CADM2: variants seen among roughly 807,000 people sequenced by gnomAD.
The protein encoded by CADM2 is cell adhesion molecule 2.
In CADM2, 12 loss-of-function variants were observed where a neutral mutation model predicts 49.8. The observed-to-expected ratio is 0.24, with a 90% CI of 0.15 to 0.39. The LOEUF is 0.39. Among genes scored for constraint, CADM2 ranks in the 10% least tolerant of loss-of-function variants. CADM2 has a pLI of 1.00. For missense variants in CADM2, 378 were observed against 492.3 expected (o/e 0.77, Z 2.20); for synonymous variants, 214 against 175.4 (o/e 1.22, Z -1.74).
chr3:85,903,890 T>C (rs1184057212), intron 5 of CADM2, among the ~76,000 whole-genome samples: 1 of 152,196 alleles, frequency 6.6e-6, no homozygotes, highest in Admixed American at 6.5e-5. Flanking sequence ...TAGAATCCTT[T>C]GCTGGGCTTT....
At chr3:85,871,709 A>G (rs1044453518) in intron 3 of CADM2, among the ~76,000 whole-genome samples, 3 of 151,842 alleles carry the variant, frequency 2.0e-5, no homozygotes, top group African/African-American at 4.8e-5. Context: ...TATCGTTGTC[A>G]TCATCATCAT....
At chr3:85,879,836 A>G (rs528346126) in intron 3 of CADM2, among the ~76,000 whole-genome samples, 140 of 152,184 alleles carry the variant, frequency 9.2e-4, no homozygotes, top group Non-Finnish European at 1.4e-3. Context: ...ACATGTATTT[A>G]TTTTTGTGTG....
intron 1 of CADM2, among the ~76,000 whole-genome samples, chr3:85,662,804 C>T (rs1358242125): frequency 6.6e-6 from 1 of 152,016 alleles, no homozygotes; most frequent in Non-Finnish European, 1.5e-5. Context: ...ACCATAGTAG[C>T]TTGTGATTGT....
At chr3:85,068,743 TTTTTG>T (rs1262982018) in intron 1 of CADM2, among the ~76,000 whole-genome samples, 2 of 151,944 alleles carry the variant, frequency 1.3e-5, no homozygotes, top group African/African-American at 2.4e-5. Context: ...AAAGTAAGCT[TTTTTG>T]TTTTATTTTA....
At chr3:85,669,923 A>G (rs1368247185) in intron 1 of CADM2, among the ~76,000 whole-genome samples, 2 of 152,110 alleles carry the variant, frequency 1.3e-5, no homozygotes, top group African/African-American at 4.8e-5. Flanking sequence ...GCAGCATGAT[A>G]TGAGGGAAAT....
intron 7 of CADM2, among the ~76,000 whole-genome samples, chr3:85,961,060 T>TATATTTATATATAAATATAA (rs1177299942): frequency 2.7e-5 from 4 of 147,314 alleles, no homozygotes; most frequent in Admixed American, 1.4e-4. Context: ...ATAAAAATTA[T>TATATTTATATATAAATATAA]ATATTTATAT....
At chr3:85,012,191 G>A (rs73843264) in intron 1 of CADM2, among the ~76,000 whole-genome samples, 3,224 of 151,644 alleles carry the variant, frequency 0.021, 127 homozygotes, top group African/African-American at 0.073. Flanking sequence ...TTTGTTACAG[G>A]CAGCTTTTAA....
chr3:85,590,591 G>A (rs1037289747), intron 1 of CADM2, among the ~76,000 whole-genome samples: 2 of 151,890 alleles, frequency 1.3e-5, no homozygotes, highest in African/African-American at 4.8e-5. Flanking sequence ...TTCCATTTAA[G>A]CGAGAATGAA....
chr3:85,060,015 A>AATTTCAG (rs1470320250), intron 1 of CADM2, among the ~76,000 whole-genome samples: 2 of 152,132 alleles, frequency 1.3e-5, no homozygotes, highest in Admixed American at 1.3e-4. Flanking sequence ...ACCCTACTTT[A>AATTTCAG]ATTTCAGTAA....
At chr3:85,682,453 A>T (rs1439494446) in intron 1 of CADM2, among the ~76,000 whole-genome samples, 1 of 152,100 alleles carries the variant, frequency 6.6e-6, no homozygotes, top group Non-Finnish European at 1.5e-5. Flanking sequence ...TCTGTTGAGC[A>T]TTAAAAGAAG....
At position 85,472,390 on chromosome 3, in the gene CADM2, G is replaced by A. The variant is rs115652672; in HGVS notation, c.62-254132G>A. On this transcript the variant is annotated intron_variant, in intron 1 of 9. Transcript: ENST00000383699. ...TAAGTTGTGTTATTCATACACACAC[G>A]CACCCACACAGAAACACACATACAC... 4.6e-3 allele frequency among the ~76,000 whole-genome samples: 690 copies of A among 151,540 alleles called. 4 individuals are homozygous for A. The highest frequency in any genetic ancestry group is 0.015 in the African/African-American group (602 of 41,366).
At chr3:85,113,985 A>G (rs2038553153) in intron 1 of CADM2, among the ~76,000 whole-genome samples, 1 of 152,104 alleles carries the variant, frequency 6.6e-6, no homozygotes, top group Non-Finnish European at 1.5e-5. Context: ...TAAGCTAAAT[A>G]ATTAAGCCTA....
At chr3:85,470,313 G>A (rs1456950408) in intron 1 of CADM2, among the ~76,000 whole-genome samples, 1 of 152,156 alleles carries the variant, frequency 6.6e-6, no homozygotes, top group African/African-American at 2.4e-5. Context: ...GGGCCATGTG[G>A]TCTGAAATAT....
At chr3:85,413,727 C>A (rs1250519999) in intron 1 of CADM2, among the ~76,000 whole-genome samples, 1 of 152,190 alleles carries the variant, frequency 6.6e-6, no homozygotes, top group Non-Finnish European at 1.5e-5. Context: ...CAATCACCTT[C>A]CACCAAGCCC....
chr3:85,647,374 G>A (rs895312225), intron 1 of CADM2, among the ~76,000 whole-genome samples: 2 of 151,108 alleles, frequency 1.3e-5, no homozygotes, highest in African/African-American at 4.9e-5. Context: ...CTAGAATGTT[G>A]TCCTCATTTA....
In CADM2 at chr3:85,212,951, G is replaced by A. The variant is rs999378407; in HGVS notation, c.61+253283G>A. On this transcript the variant is annotated intron_variant, in intron 1 of 9. Coordinates refer to ENST00000383699, the MANE Select transcript of CADM2 (RefSeq NM_001167675.2). ...ACTGGAGTGCAATGGCGCAATCTCC[G>A]CTCACTGCAACCTTCGCCTCCTGGG... is the stretch of plus-strand genomic sequence containing the variant. 6.0e-5 allele frequency among the ~76,000 whole-genome samples: 9 copies of A among 149,686 alleles called. No individual in the cohort carries two copies. The South Asian group carries it at 6.4e-4, about 11-fold the overall frequency.
rs914892971 is a variant in CADM2, at chr3:85,011,799, A to G, written c.61+52131A>G. ...CAACTACTTGGATGGCTGAGGCAGG[A>G]GGATTACTTGATCCCAGGAGTGGCT... On this transcript the variant is annotated intron_variant, in intron 1 of 9. Transcript: ENST00000383699. Among the ~76,000 whole-genome samples, 9 of 151,968 alleles carry G rather than the reference A, an allele frequency of 5.9e-5. 1 individual carries two copies. Among genetic ancestry groups the G allele is most frequent in the Admixed American group, 1.3e-4 (2 of 15,256 alleles).
chr3:85,961,612 G>A lies in CADM2; in HGVS notation c.935G>A (p.Gly312Asp). The A allele has an allele frequency of 6.3e-7, 1 of 1,599,300 alleles. No individual in the cohort carries two copies. Among genetic ancestry groups the A allele is most frequent in the Non-Finnish European group, 8.5e-7 (1 of 1,169,986 alleles). Residue 312 changes from glycine to aspartate, a missense_variant, in exon 8 of 10, where the codon GGC (glycine) becomes GAC (aspartate). Transcript: ENST00000383699. ...TYRCEATNTI[G>D]QSSAEYVLIV... ...CGATGTGAAGCCACAAACACCATTG[G>A]CCAAAGCAGTGCGGAATATGTTCTC... is the stretch of plus-strand genomic sequence containing the variant.
chr3:85,963,692 C>A (rs1229343415), intron 8 of CADM2, among the ~76,000 whole-genome samples: 1 of 151,708 alleles, frequency 6.6e-6, no homozygotes, highest in East Asian at 2.0e-4. Context: ...TTTAAAGTAG[C>A]TCATCAGGAA....
Sources: gnomAD v4.1 joint callset for allele counts (sites outside exome capture counted in the v4.1 genomes callset) on GRCh38, gnomAD v4.1.1 for gene constraint, MANE v1.5 for transcripts, NCBI Gene and HGNC (gene_info 2026-07-23, HGNC 2026-07-21) for gene names.